The following ASAP3 variants were observed in gnomAD, a reference collection of about 807,000 sequenced individuals.
ASAP3 encodes the protein ArfGAP with SH3 domain, ankyrin repeat and PH domain 3.
In ASAP3, 85 loss-of-function variants were observed where a neutral mutation model predicts 118.2. The observed-to-expected ratio is 0.72, with a 90% CI of 0.60 to 0.86. The LOEUF is 0.86. Ranked by LOEUF, ASAP3 falls within the 40% of genes least tolerant of loss-of-function variation. The probability of loss-of-function intolerance (pLI) is 0.00; values close to 1 mark genes in which losing one functional copy is unlikely to be tolerated. For missense variants in ASAP3, 1,026 were observed against 1,175.0 expected (o/e 0.87, Z 1.85); for synonymous variants, 432 against 477.4 (o/e 0.90, Z 1.24).
Position 23,477,352 on chromosome 1 carries a change from G to A in ASAP3, c.129+6653C>T, listed in dbSNP as rs546219955. ...AGATCACGCCACTGCACTCCAGCCTGAGCAACAGAGTGAGACTCCATCTCA... is the reference window on the plus strand; with the variant it reads ...AGATCACGCCACTGCACTCCAGCCTAAGCAACAGAGTGAGACTCCATCTCA... On this transcript the variant is annotated intron_variant, in intron 1 of 24. Coordinates refer to ENST00000336689, the MANE Select transcript of ASAP3 (RefSeq NM_017707.4). Among the ~76,000 whole-genome samples, 4 of 122,604 alleles carry A rather than the reference G, an allele frequency of 3.3e-5. No individual in the cohort carries two copies. In the Admixed American group the frequency reaches 3.3e-4, roughly 10 times the overall value. 80.4% of individuals were successfully genotyped at this position (122,604 alleles called of 152,430 possible). A position where few individuals can be genotyped will look rare whatever the true frequency, so the allele number is the denominator to read the frequency against.
chr1:23,460,440 G>A (rs1437067647), intron 1 of ASAP3, among the ~76,000 whole-genome samples: 2 of 151,098 alleles, frequency 1.3e-5, no homozygotes, highest in African/African-American at 4.9e-5. Flanking sequence ...CTAGGAGGCG[G>A]AGGTTGCAGT....
chr1:23,434,445 G>A, intron 18 of ASAP3, 76 bp from the exon 19 acceptor site: 2 of 1,598,534 alleles, frequency 1.3e-6, no homozygotes, highest in Non-Finnish European at 1.7e-6. Context: ...GAAAAAGTGG[G>A]AGGGGAAAGG....
chr1:23,434,702 C>T, intron 17 of ASAP3, 84 bp from the exon 18 acceptor site: 1 of 1,298,018 alleles, frequency 7.7e-7, no homozygotes, highest in Non-Finnish European at 1.1e-6. Flanking sequence ...CTCTTGCTAA[C>T]CCCTTATCCC....
At position 23,435,938 on chromosome 1, in the gene ASAP3, G is replaced by A. The variant is rs901051983; in HGVS notation, c.1662C>T (p.Ala554=). The A allele has an allele frequency of 2.5e-6, 4 of 1,614,266 alleles. No homozygotes were observed. In the East Asian group the frequency reaches 8.9e-5, roughly 36 times the overall value. The part of the protein sequence containing the change: ...CTPEPQRLWT[A]ICNRDLLSVL... ...CCGACAGGAGGTCCCTGTTGCAAAT[G>A]GCTGTCCAGAGTCGCTGAGGCTCAG... is the stretch of plus-strand genomic sequence containing the variant. Residue 554 remains alanine, a synonymous_variant, in exon 17 of 25, where the codon GCC becomes GCT. Transcript: ENST00000336689.
intron 1 of ASAP3, chr1:23,479,745 C>G (rs1017456174): frequency 6.6e-6 from 1 of 152,324 alleles, no homozygotes. Context: ...CCCATTCCCC[C>G]ACTGATAATA....
In ASAP3 at chr1:23,451,494, TC is replaced by T. The variant is rs753472597; in HGVS notation, c.457del (p.Asp153ThrfsTer18). On this transcript the variant is annotated frameshift_variant, in exon 5 of 25. Coordinates refer to ENST00000336689, the MANE Select transcript of ASAP3 (RefSeq NM_017707.4). LOFTEE classifies it high-confidence loss of function. ...GGCCACTTACATTTTGGCTTCATAG[TC>T]CTTCCATGCCTTCTCCAGCTGTTTT... ...SKKQLEKAWK[D>X]YEAKMAKLEK... 1.2e-6 allele frequency: 2 copies of T among 1,614,246 alleles called. No individual in the cohort carries two copies. The highest frequency in any genetic ancestry group is 1.7e-6 in the Non-Finnish European group (2 of 1,180,032).
intron 4 of ASAP3, 83 bp downstream of exon 4, chr1:23,452,614 T>C: frequency 6.9e-7 from 1 of 1,454,416 alleles, no homozygotes; most frequent in South Asian, 1.2e-5. Flanking sequence ...GCCTCCACCC[T>C]CAGTCCAGCC....
intron 1 of ASAP3, among the ~76,000 whole-genome samples, chr1:23,473,916 G>GC (rs1642035786): frequency 6.8e-6 from 1 of 147,510 alleles, no homozygotes. Context: ...CTTCTCATCT[G>GC]CCCCCTCCTC....
intron 5 of ASAP3, among the ~76,000 whole-genome samples, chr1:23,448,724 C>G (rs1641121667): frequency 6.6e-6 from 1 of 152,154 alleles, no homozygotes; most frequent in Non-Finnish European, 1.5e-5. Flanking sequence ...GTCTTGGCCT[C>G]CCAAAGTGCT....
At chr1:23,482,676 C>T (rs550649050) in intron 1 of ASAP3, among the ~76,000 whole-genome samples, 1 of 152,072 alleles carries the variant, frequency 6.6e-6, no homozygotes, top group African/African-American at 2.4e-5. Flanking sequence ...TTGGCCGGCG[C>T]GGTGGCTCAC....
intron 5 of ASAP3, among the ~76,000 whole-genome samples, chr1:23,445,178 T>C (rs1641010571): frequency 6.6e-6 from 1 of 151,992 alleles, no homozygotes; most frequent in African/African-American, 2.4e-5. Context: ...TCAGCAGCAG[T>C]GCCTGGCAGC....
intron 21 of ASAP3, 48 bp from the exon 22 acceptor site, chr1:23,433,320 G>T (rs911742280): frequency 3.1e-6 from 5 of 1,608,764 alleles, no homozygotes; most frequent in East Asian, 2.2e-5. Context: ...TTCCTCCGGT[G>T]TAGCCCTGTC....
intron 1 of ASAP3, among the ~76,000 whole-genome samples, chr1:23,482,686 C>T (rs2148669467): frequency 6.6e-6 from 1 of 152,124 alleles, no homozygotes; most frequent in Non-Finnish European, 1.5e-5. Flanking sequence ...CGGTGGCTCA[C>T]GCCTGTAATC....
At chr1:23,483,910 G>A in intron 1 of ASAP3, 95 bp downstream of exon 1, 1 of 1,182,796 alleles carries the variant, frequency 8.5e-7, no homozygotes, top group African/African-American at 1.6e-5. Context: ...TCGGGGCGCG[G>A]TGAAGGGCCA....
Position 23,452,736 on chromosome 1 carries a change from CA to C in ASAP3, c.383del (p.Leu128ArgfsTer4). ...QNLNNIVSFP[L>X]DSLMKGQLRD... Reference sequence around the variant, plus strand: ...TCAGCTGCCCCTTCATCAGACTGTCCAGGGGGAAAGAGACAATGTTGTTCAA... The same window carrying C: ...TCAGCTGCCCCTTCATCAGACTGTCCGGGGGAAAGAGACAATGTTGTTCAA... On this transcript the variant is annotated frameshift_variant, in exon 4 of 25. Transcript: ENST00000336689. LOFTEE classifies it high-confidence loss of function. 2.5e-6 allele frequency: 4 copies of C among 1,613,950 alleles called. No individual in the cohort carries two copies. The highest frequency in any genetic ancestry group is 3.4e-6 in the Non-Finnish European group (4 of 1,180,022).
chr1:23,439,018 T>C, intron 11 of ASAP3, 143 bp downstream of exon 11: 1 of 1,149,892 alleles, frequency 8.7e-7, no homozygotes, highest in East Asian at 2.5e-5. Flanking sequence ...TCAGGTCCCA[T>C]CTGTCCTCCC....
At chr1:23,484,291 C>T (rs1392922294), upstream of ASAP3, 8 of 722,372 alleles carry the variant, frequency 1.1e-5, no homozygotes, top group Non-Finnish European at 1.5e-5. Flanking sequence ...GCTCTCCGCT[C>T]CTCAGCTGGG....
rs778105708 is a variant in ASAP3 at position 23,433,549 on chromosome 1, C to A, written c.2020-17G>T. 1.1e-5 allele frequency: 18 copies of A among 1,614,182 alleles called. No homozygotes were observed. In the South Asian group the frequency reaches 2.0e-4, roughly 18 times the overall value. ...CTGCTCCAGCTGCCAAAAACAAAGG[C>A]TTGGTGGTTCAGAGGGTTGGGGGCT... On this transcript the variant is annotated splice_polypyrimidine_tract_variant and intron_variant, in intron 20 of 24. Transcript: ENST00000336689.
At chr1:23,482,939 G>A (rs1392039446) in intron 1 of ASAP3, among the ~76,000 whole-genome samples, 2 of 150,208 alleles carry the variant, frequency 1.3e-5, no homozygotes, top group Non-Finnish European at 3.0e-5. Context: ...GCGACACAGC[G>A]AGACTCCGTC....
Sources: gnomAD v4.1 joint callset for allele counts (sites outside exome capture counted in the v4.1 genomes callset) on GRCh38, gnomAD v4.1.1 for gene constraint, MANE v1.5 for transcripts, NCBI Gene and HGNC (gene_info 2026-07-23, HGNC 2026-07-21) for gene names.